MXRA7: variants seen among roughly 807,000 people sequenced by gnomAD.
MXRA7 encodes the protein matrix remodeling associated 7.
Under a neutral mutation model 17.4 loss-of-function variants are expected in MXRA7, and 18 were observed. That is an observed-to-expected ratio of 1.03 (90% CI 0.71 to 1.53). The LOEUF is 1.53. Ranked by LOEUF, MXRA7 falls within the 40% of genes most tolerant of loss-of-function variation. MXRA7 has a pLI of 0.00. For missense variants in MXRA7, 141 were observed against 209.3 expected (o/e 0.67, Z 2.01); for synonymous variants, 70 against 101.7 (o/e 0.69, Z 1.87).
chr17:76,692,975 T>C (rs2076493115), intron 1 of MXRA7, among the ~76,000 whole-genome samples: 1 of 152,104 alleles, frequency 6.6e-6, no homozygotes, highest in Admixed American at 6.6e-5. Flanking sequence ...GTCCTTTGCC[T>C]GCCTGTCCCT....
intron 1 of MXRA7, among the ~76,000 whole-genome samples, chr17:76,706,943 T>TAC (rs2076668882): frequency 6.7e-6 from 1 of 150,340 alleles, no homozygotes; most frequent in Non-Finnish European, 1.5e-5. Flanking sequence ...ACACACTGTG[T>TAC]GTGTGTGTGC....
chr17:76,692,701 A>T (rs907291127), intron 1 of MXRA7, among the ~76,000 whole-genome samples: 3 of 151,940 alleles, frequency 2.0e-5, no homozygotes, highest in Non-Finnish European at 4.4e-5. Flanking sequence ...CTTCAGAAGT[A>T]TAGATACTAC....
chr17:76,703,251 T>A (rs1567989016), intron 1 of MXRA7, among the ~76,000 whole-genome samples: 1 of 152,054 alleles, frequency 6.6e-6, no homozygotes, highest in Non-Finnish European at 1.5e-5. Context: ...AGAGGTCAGG[T>A]TGGTCAGCGG....
intron 1 of MXRA7, among the ~76,000 whole-genome samples, chr17:76,691,699 G>A (rs759312781): frequency 3.9e-5 from 6 of 152,144 alleles, no homozygotes; most frequent in Non-Finnish European, 8.8e-5. Context: ...TCTGTGGAGT[G>A]TTGTGTGCAT....
At chr17:76,688,539 G>T (rs1438290741) in intron 1 of MXRA7, 1 of 1,275,912 alleles carries the variant, frequency 7.8e-7, no homozygotes, top group Non-Finnish European at 9.9e-7. Flanking sequence ...CAAGAGGAAA[G>T]CTGGCTGGGG....
At chr17:76,699,010 C>T (rs929837910) in intron 1 of MXRA7, among the ~76,000 whole-genome samples, 2 of 151,824 alleles carry the variant, frequency 1.3e-5, no homozygotes, top group Non-Finnish European at 1.5e-5. Context: ...CGTGAGTCAC[C>T]GCGCCCAGCC....
intron 1 of MXRA7, among the ~76,000 whole-genome samples, chr17:76,690,631 A>G (rs915477650): frequency 6.8e-6 from 1 of 146,608 alleles, no homozygotes; most frequent in Non-Finnish European, 1.5e-5. Context: ...GATCACTTGG[A>G]AAAAAAAAAG....
intron 1 of MXRA7, among the ~76,000 whole-genome samples, chr17:76,702,859 A>ATATATATATATACG (rs2076606452): frequency 5.5e-5 from 7 of 127,152 alleles, no homozygotes; most frequent in Admixed American, 1.5e-4. Context: ...CTTAAAATAA[A>ATATATATATATACG]TATATATATA....
At chr17:76,688,711 G>A in intron 1 of MXRA7, 3 of 1,226,074 alleles carry the variant, frequency 2.4e-6, no homozygotes, top group Non-Finnish European at 3.1e-6. Flanking sequence ...ACAATAAACA[G>A]ATGATCAGAG....
rs551125248 is a variant in MXRA7 at position 76,701,458 on chromosome 17, A to T, written c.342+9147T>A. On this transcript the variant is annotated intron_variant, in intron 1 of 3. Transcript: ENST00000449428. ...GGGCTGAGGTGCACGTAGACAACCC[A>T]CAGGCCAGGGAGCTCAGGGGAGGCG... Among the ~76,000 whole-genome samples, 49 of 152,154 alleles carry T rather than the reference A, an allele frequency of 3.2e-4. No individual in the cohort carries two copies. The South Asian group carries it at 8.3e-3, about 26-fold the overall frequency.
chr17:76,687,999 T>TGCCCC, intron 2 of MXRA7, 114 bp downstream of exon 2: 1 of 801,730 alleles, frequency 1.2e-6, no homozygotes. Context: ...CAGGCCACTG[T>TGCCCC]CCCACCCCAT....
chr17:76,701,089 CG>C (rs1284536070), intron 1 of MXRA7, among the ~76,000 whole-genome samples: 2 of 151,466 alleles, frequency 1.3e-5, no homozygotes, highest in African/African-American at 2.4e-5. Flanking sequence ...GAGCAGGGGC[CG>C]GGGGGTGTGC....
intron 1 of MXRA7, among the ~76,000 whole-genome samples, chr17:76,700,899 C>T (rs963915516): frequency 3.3e-5 from 5 of 151,934 alleles, no homozygotes; most frequent in South Asian, 2.1e-4. Context: ...GGACCGACTG[C>T]GCGGAGGCTC....
chr17:76,693,749 G>A (rs1349083784), intron 1 of MXRA7, among the ~76,000 whole-genome samples: 1 of 152,108 alleles, frequency 6.6e-6, no homozygotes, highest in Non-Finnish European at 1.5e-5. Flanking sequence ...GCTGAGGTGG[G>A]AGGATCACTT....
intron 3 of MXRA7, chr17:76,684,002 C>A (rs1323256063): frequency 2.6e-6 from 3 of 1,148,700 alleles, no homozygotes; most frequent in Non-Finnish European, 4.0e-6. Context: ...GGGGCTCCTG[C>A]CAGGGCTCTT....
At chr17:76,683,903 A>G in intron 3 of MXRA7, 2 of 1,614,110 alleles carry the variant, frequency 1.2e-6, no homozygotes, top group Non-Finnish European at 1.7e-6. Context: ...GCTACAGGGA[A>G]GTGAGGTCAG....
chr17:76,688,237 G>T lies in MXRA7; in HGVS notation c.343-61C>A, dbSNP rs540477398. On this transcript the variant is annotated intron_variant, in intron 1 of 3. Transcript: ENST00000449428. Reference sequence around the variant, plus strand: ...AGACTGGGTGATGGGAAGTGGTGGGGGGGCAGAAGGTAGGGGAGACAGAGG... The same window carrying T: ...AGACTGGGTGATGGGAAGTGGTGGGTGGGCAGAAGGTAGGGGAGACAGAGG... The T allele has an allele frequency of 1.6e-5, 25 of 1,607,480 alleles. No individual in the cohort carries two copies. In the African/African-American group the frequency reaches 3.3e-4, roughly 21 times the overall value.
chr17:76,701,509 C>G (rs527544413), intron 1 of MXRA7, among the ~76,000 whole-genome samples: 1 of 152,102 alleles, frequency 6.6e-6, no homozygotes, highest in South Asian at 2.1e-4. Flanking sequence ...GATGTGGGCA[C>G]CATCAGCTAT....
chr17:76,701,159 C>T (rs981217307), intron 1 of MXRA7, among the ~76,000 whole-genome samples: 2 of 151,662 alleles, frequency 1.3e-5, no homozygotes, highest in African/African-American at 2.4e-5. Context: ...GTGGGGAGGA[C>T]GGGAAACAGG....
Sources: allele counts gnomAD v4.1 joint callset (sites outside exome capture counted in the v4.1 genomes callset), GRCh38; gene constraint gnomAD v4.1.1; transcripts MANE v1.5; gene names NCBI Gene and HGNC (gene_info 2026-07-23, HGNC 2026-07-21).